The following TNIK variants were observed in gnomAD, a reference collection of about 807,000 sequenced individuals.
The protein encoded by TNIK is TRAF2 and NCK-interacting protein kinase.
A neutral mutation model predicts 191.3 loss-of-function variants in TNIK; 49 were observed. That is an observed-to-expected ratio of 0.26 (90% confidence interval 0.20 to 0.32). The LOEUF (loss-of-function observed/expected upper bound fraction) is 0.32, where lower values mean the gene tolerates loss of function less well. Ranked by LOEUF, TNIK falls within the 10% of genes least tolerant of loss-of-function variation. The pLI is 1.00. For missense variants in TNIK, 1,155 were observed against 1,702.3 expected (o/e 0.68, Z 5.66); for synonymous variants, 594 against 600.9 (o/e 0.99, Z 0.17).
chr3:171,240,670 C>T (rs1744851961), intron 2 of TNIK, among the ~76,000 whole-genome samples: 1 of 152,162 alleles, frequency 6.6e-6, no homozygotes, highest in Non-Finnish European at 1.5e-5. Context: ...ATGCTCGCTG[C>T]CTTCAGGTCT....
intron 12 of TNIK, among the ~76,000 whole-genome samples, chr3:171,148,758 A>G (rs58871690): frequency 0.1 from 15,937 of 152,214 alleles, 996 homozygotes; most frequent in African/African-American, 0.17. Context: ...GCAGATATGC[A>G]GGGAATTTCA....
intron 12 of TNIK, among the ~76,000 whole-genome samples, chr3:171,141,004 G>C (rs192026889): frequency 6.6e-5 from 10 of 152,292 alleles, no homozygotes; most frequent in Non-Finnish European, 8.8e-5. Context: ...AGGATTTACT[G>C]ACTCCCACCT....
intron 2 of TNIK, among the ~76,000 whole-genome samples, chr3:171,267,663 C>T (rs1435263186): frequency 1.3e-5 from 2 of 152,192 alleles, no homozygotes; most frequent in African/African-American, 4.8e-5. Context: ...GGATAAATTA[C>T]AGTGCCATCC....
At chr3:171,373,619 A>C (rs1323020186) in intron 1 of TNIK, among the ~76,000 whole-genome samples, 3 of 152,236 alleles carry the variant, frequency 2.0e-5, no homozygotes, top group Non-Finnish European at 4.4e-5. Flanking sequence ...ATTTAAAATA[A>C]TACAAGATAC....
rs753810790 is a variant in TNIK, at chr3:171,167,085, T to A, written c.949+10A>T. On this transcript the variant is annotated intron_variant, in intron 10 of 32. Transcript: ENST00000436636. ...TGTTTCTGCTGCTGAAATACAAATG[T>A]GCGTCTAACCTTTTTCTCCTCGCTT... The A allele has an allele frequency of 6.2e-7, 1 of 1,606,318 alleles. No individual in the cohort carries two copies. The highest frequency in any genetic ancestry group is 8.5e-7 in the Non-Finnish European group (1 of 1,175,060).
At chr3:171,171,921 TC>T (rs905630080) in intron 9 of TNIK, among the ~76,000 whole-genome samples, 2 of 152,144 alleles carry the variant, frequency 1.3e-5, no homozygotes, top group Non-Finnish European at 2.9e-5. Flanking sequence ...GTTACAACCC[TC>T]CCAGACAACT....
At chr3:171,284,489 C>T (rs976583716) in intron 2 of TNIK, among the ~76,000 whole-genome samples, 3 of 151,952 alleles carry the variant, frequency 2.0e-5, no homozygotes, top group African/African-American at 7.3e-5. Flanking sequence ...ATCATCAGTC[C>T]GTCTTTAGAA....
intron 2 of TNIK, among the ~76,000 whole-genome samples, chr3:171,292,637 G>T (rs925885650): frequency 6.6e-6 from 1 of 152,090 alleles, no homozygotes; most frequent in East Asian, 1.9e-4. Flanking sequence ...TTAGCTGGGC[G>T]TGGTGGCGGG....
chr3:171,405,626 T>C (rs183586638), intron 1 of TNIK, among the ~76,000 whole-genome samples: 141 of 152,172 alleles, frequency 9.3e-4, no homozygotes, highest in African/African-American at 3.2e-3. Flanking sequence ...TTGACTCCAA[T>C]TATTCTATTC....
intron 2 of TNIK, among the ~76,000 whole-genome samples, chr3:171,355,640 T>A (rs1713928101): frequency 1.3e-5 from 2 of 152,170 alleles, no homozygotes; most frequent in African/African-American, 4.8e-5. Flanking sequence ...AAACTTGTCA[T>A]GAAAGTATCT....
chr3:171,097,811 T>TCTGCCA (rs1722932492), intron 22 of TNIK, among the ~76,000 whole-genome samples: 1 of 152,184 alleles, frequency 6.6e-6, no homozygotes, highest in African/African-American at 2.4e-5. Context: ...GAAGCCAGGT[T>TCTGCCA]TCTGACTGTT....
chr3:171,406,523 AG>A (rs1160167738), intron 1 of TNIK, among the ~76,000 whole-genome samples: 1 of 152,146 alleles, frequency 6.6e-6, no homozygotes, highest in Non-Finnish European at 1.5e-5. Context: ...GTGAGCTCCC[AG>A]GCTCAAGCCA....
At chr3:171,244,651 T>A (rs1461819956) in intron 2 of TNIK, among the ~76,000 whole-genome samples, 1 of 152,000 alleles carries the variant, frequency 6.6e-6, no homozygotes, top group Non-Finnish European at 1.5e-5. Context: ...AAAACTATCA[T>A]GTTTTTGAAC....
At chr3:171,236,885 T>C (rs1401788469) in intron 2 of TNIK, among the ~76,000 whole-genome samples, 2 of 152,034 alleles carry the variant, frequency 1.3e-5, no homozygotes, top group Non-Finnish European at 2.9e-5. Context: ...AACCAGGTGA[T>C]TGGGAGTGGG....
intron 3 of TNIK, among the ~76,000 whole-genome samples, chr3:171,218,012 T>C (rs1418161208): frequency 2.0e-5 from 3 of 152,132 alleles, no homozygotes; most frequent in South Asian, 2.1e-4. Context: ...CTGGTAATAA[T>C]AACAACAATA....
chr3:171,085,051 T>A, intron 25 of TNIK, 67 bp downstream of exon 25: 1 of 1,304,938 alleles, frequency 7.7e-7, no homozygotes, highest in Non-Finnish European at 1.1e-6. Flanking sequence ...AGGATTAATT[T>A]CCTTATCAGG....
At chr3:171,438,445 C>A (rs917194211) in intron 1 of TNIK, among the ~76,000 whole-genome samples, 1 of 152,226 alleles carries the variant, frequency 6.6e-6, no homozygotes, top group Non-Finnish European at 1.5e-5. Flanking sequence ...AGTGGGGATG[C>A]AGGATCCAAA....
intron 3 of TNIK, among the ~76,000 whole-genome samples, chr3:171,220,380 T>G (rs912983337): frequency 3.3e-5 from 5 of 152,076 alleles, no homozygotes; most frequent in African/African-American, 1.2e-4. Flanking sequence ...ACCCCAGAAC[T>G]TAAAGTATAA....
intron 2 of TNIK, among the ~76,000 whole-genome samples, chr3:171,338,488 T>A (rs1757195564): frequency 6.6e-6 from 1 of 152,128 alleles, no homozygotes; most frequent in South Asian, 2.1e-4. Context: ...TTAACTCTTT[T>A]TTATTATTTT....
Sources: allele counts gnomAD v4.1 joint callset (sites outside exome capture counted in the v4.1 genomes callset), GRCh38; gene constraint gnomAD v4.1.1; transcripts MANE v1.5; gene names NCBI Gene and HGNC (gene_info 2026-07-23, HGNC 2026-07-21).